GPR158: variants seen among roughly 807,000 people sequenced by gnomAD.
The protein encoded by GPR158 is G protein-coupled receptor 158, also known as metabotropic glycine receptor.
A neutral mutation model predicts 78.2 loss-of-function variants in GPR158; 30 were observed. That is an observed-to-expected ratio of 0.38 (90% confidence interval 0.29 to 0.52). The LOEUF (loss-of-function observed/expected upper bound fraction) is 0.52, where lower values mean the gene tolerates loss of function less well. GPR158 is among the 20% of genes least tolerant of loss of function. The pLI, the probability that GPR158 is intolerant of heterozygous loss-of-function variation, is 0.83. For missense variants in GPR158, 1,463 were observed against 1,523.5 expected (o/e 0.96, Z 0.66); for synonymous variants, 581 against 591.1 (o/e 0.98, Z 0.25).
chr10:25,429,354 G>A (rs912386810), intron 4 of GPR158, among the ~76,000 whole-genome samples: 3 of 151,884 alleles, frequency 2.0e-5, no homozygotes, highest in Non-Finnish European at 4.4e-5. Context: ...AAAATATATG[G>A]CCTCCATGCA....
chr10:25,253,438 A>G (rs890433271), intron 2 of GPR158, among the ~76,000 whole-genome samples: 2 of 152,208 alleles, frequency 1.3e-5, no homozygotes, highest in Non-Finnish European at 2.9e-5. Flanking sequence ...TAAAAGAGCT[A>G]TGAAATGTCA....
At chr10:25,459,835 ATTTTTT>A (rs942800791) in intron 4 of GPR158, among the ~76,000 whole-genome samples, 1 of 140,710 alleles carries the variant, frequency 7.1e-6, no homozygotes, top group Non-Finnish European at 1.6e-5. Context: ...AATTTGACAT[ATTTTTT>A]TGTCTATGGG....
intron 3 of GPR158, among the ~76,000 whole-genome samples, chr10:25,411,606 T>G (rs7094439): frequency 0.095 from 14,451 of 152,048 alleles, 776 homozygotes; most frequent in East Asian, 0.17. Context: ...AATGTGATTT[T>G]TGCTTTTCAG....
chr10:25,572,530 C>A, intron 6 of GPR158, 119 bp from the exon 7 acceptor site: 1 of 752,994 alleles, frequency 1.3e-6, no homozygotes, highest in Non-Finnish European at 2.3e-6. Context: ...CAAAACAAAG[C>A]AAACTCTGAT....
intron 2 of GPR158, among the ~76,000 whole-genome samples, chr10:25,222,592 C>T (rs1388528914): frequency 2.6e-5 from 4 of 152,102 alleles, no homozygotes; most frequent in Admixed American, 2.0e-4. Context: ...GCCTCCACTT[C>T]GGATGATTCT....
At chr10:25,329,779 T>C (rs551133494) in intron 2 of GPR158, among the ~76,000 whole-genome samples, 1 of 151,894 alleles carries the variant, frequency 6.6e-6, no homozygotes, top group Non-Finnish European at 1.5e-5. Context: ...CAAACACTTG[T>C]TTTATTACAT....
At chr10:25,410,570 G>A (rs1834570047) in intron 3 of GPR158, among the ~76,000 whole-genome samples, 1 of 152,076 alleles carries the variant, frequency 6.6e-6, no homozygotes, top group Non-Finnish European at 1.5e-5. Flanking sequence ...GAGCCGAGAT[G>A]ATGCCACTGC....
chr10:25,372,409 A>G (rs968158602), intron 2 of GPR158, among the ~76,000 whole-genome samples: 4 of 149,564 alleles, frequency 2.7e-5, no homozygotes, highest in East Asian at 2.0e-4. Context: ...ACATGCACAC[A>G]TATGTTTATT....
chr10:25,415,470 C>T (rs1255206022), intron 4 of GPR158, among the ~76,000 whole-genome samples: 1 of 152,030 alleles, frequency 6.6e-6, no homozygotes, highest in Non-Finnish European at 1.5e-5. Context: ...ACAGTACCCA[C>T]TACCATAGCT....
chr10:25,177,615 C>A (rs1466816810), intron 1 of GPR158, among the ~76,000 whole-genome samples: 3 of 152,176 alleles, frequency 2.0e-5, no homozygotes, highest in Non-Finnish European at 4.4e-5. Flanking sequence ...GCTGAATGAC[C>A]TCAACCAAGT....
intron 1 of GPR158, among the ~76,000 whole-genome samples, chr10:25,211,467 A>C (rs1853129544): frequency 6.6e-6 from 1 of 152,144 alleles, no homozygotes; most frequent in African/African-American, 2.4e-5. Flanking sequence ...GCACAGGAAA[A>C]AGGGATGGGG....
chr10:25,249,469 A>G (rs1006192442), intron 2 of GPR158, among the ~76,000 whole-genome samples: 1 of 151,876 alleles, frequency 6.6e-6, no homozygotes, highest in African/African-American at 2.4e-5. Context: ...AGCTCTTATT[A>G]TTTTGAAATA....
intron 8 of GPR158, among the ~76,000 whole-genome samples, chr10:25,592,756 T>C (rs1291075160): frequency 6.6e-6 from 1 of 152,010 alleles, no homozygotes; most frequent in East Asian, 1.9e-4. Context: ...GATCCTTTTA[T>C]GAATGTCTCC....
intron 2 of GPR158, among the ~76,000 whole-genome samples, chr10:25,231,351 T>C (rs769230298): frequency 1.3e-5 from 2 of 152,326 alleles, no homozygotes; most frequent in South Asian, 2.1e-4. Context: ...GGAAGCACCA[T>C]TGATTTTTAA....
chr10:25,397,083 T>C (rs771057245), intron 3 of GPR158, among the ~76,000 whole-genome samples: 36 of 152,190 alleles, frequency 2.4e-4, no homozygotes, highest in Non-Finnish European at 4.8e-4. Flanking sequence ...AGTATAATCA[T>C]GGGAGTGCCT....
intron 2 of GPR158, among the ~76,000 whole-genome samples, chr10:25,314,841 G>GTCATA (rs1564419457): frequency 9.4e-4 from 108 of 114,758 alleles, no homozygotes; most frequent in South Asian, 2.6e-3. Flanking sequence ...ACATATACAC[G>GTCATA]TATATACATA....
chr10:25,594,903 G>A (rs1408884585), intron 9 of GPR158, among the ~76,000 whole-genome samples: 1 of 152,118 alleles, frequency 6.6e-6, no homozygotes, highest in Non-Finnish European at 1.5e-5. Flanking sequence ...AGAATACAGG[G>A]ATTCTAGACT....
At chr10:25,461,692 G>T (rs1377548377) in intron 4 of GPR158, among the ~76,000 whole-genome samples, 1 of 151,086 alleles carries the variant, frequency 6.6e-6, no homozygotes, top group Non-Finnish European at 1.5e-5. Context: ...CAATATTGAT[G>T]AAATAGCCCT....
intron 2 of GPR158, among the ~76,000 whole-genome samples, chr10:25,317,970 C>G (rs2130473834): frequency 6.6e-6 from 1 of 152,202 alleles, no homozygotes; most frequent in South Asian, 2.1e-4. Flanking sequence ...CTCGGGTGAT[C>G]TGCCCGCCTC....
Sources: allele counts gnomAD v4.1 joint callset (sites outside exome capture counted in the v4.1 genomes callset), GRCh38; gene constraint gnomAD v4.1.1; transcripts MANE v1.5; gene names NCBI Gene and HGNC (gene_info 2026-07-23, HGNC 2026-07-21).